Variants in DACH1 observed in about 807,000 individuals in gnomAD.
DACH1 encodes dachshund family transcription factor 1.
In DACH1, 12 loss-of-function variants were observed where a neutral mutation model predicts 54.2. The ratio of observed to expected loss-of-function variants is 0.22; its 90% CI spans 0.14 to 0.36. The LOEUF is 0.36. Ranked by LOEUF, DACH1 falls within the 10% of genes least tolerant of loss-of-function variation. DACH1 has a pLI of 1.00. For synonymous variants in DACH1, 386 were observed against 366.2 expected (o/e 1.05, Z -0.62); for missense variants, 805 against 929.8 (o/e 0.87, Z 1.75).
At chr13:71,694,555 T>C (rs1412433223) in intron 1 of DACH1, among the ~76,000 whole-genome samples, 2 of 152,210 alleles carry the variant, frequency 1.3e-5, no homozygotes, top group Non-Finnish European at 2.9e-5. Context: ...TAAATGACCT[T>C]TTAATACTAA....
At chr13:71,616,814 GAA>G (rs1387166410) in intron 3 of DACH1, among the ~76,000 whole-genome samples, 2 of 151,490 alleles carry the variant, frequency 1.3e-5, no homozygotes, top group Non-Finnish European at 2.9e-5. Context: ...TATATACATA[GAA>G]AGAGAGAGAG....
intron 1 of DACH1, among the ~76,000 whole-genome samples, chr13:71,824,902 A>G (rs1397499322): frequency 1.3e-5 from 2 of 152,094 alleles, no homozygotes; most frequent in Non-Finnish European, 2.9e-5. Flanking sequence ...TAAACATGGG[A>G]ATTTTAATAC....
At chr13:71,582,347 G>A (rs868390597) in intron 3 of DACH1, among the ~76,000 whole-genome samples, 5 of 151,924 alleles carry the variant, frequency 3.3e-5, no homozygotes, top group South Asian at 2.1e-4. Context: ...TAATCAATAC[G>A]AATACATGAA....
At chr13:71,688,520 C>T (rs1411130453) in intron 1 of DACH1, among the ~76,000 whole-genome samples, 5 of 152,170 alleles carry the variant, frequency 3.3e-5, no homozygotes, top group East Asian at 1.9e-4. Flanking sequence ...TTCATTCTCA[C>T]GTTCCACATT....
chr13:71,840,756 C>A (rs1012830486), intron 1 of DACH1, among the ~76,000 whole-genome samples: 2 of 152,118 alleles, frequency 1.3e-5, no homozygotes, highest in Non-Finnish European at 2.9e-5. Context: ...GTAAAAAGAA[C>A]TTCTAATGAC....
chr13:71,577,682 A>T (rs1445193009), intron 3 of DACH1, among the ~76,000 whole-genome samples: 1 of 152,232 alleles, frequency 6.6e-6, no homozygotes, highest in Non-Finnish European at 1.5e-5. Context: ...ATGAATAACA[A>T]ATATGGCTAT....
intron 2 of DACH1, among the ~76,000 whole-genome samples, chr13:71,663,058 A>T (rs1363920626): frequency 6.6e-6 from 1 of 151,872 alleles, no homozygotes; most frequent in East Asian, 1.9e-4. Context: ...TATGATATCT[A>T]ATATTCACTT....
intron 3 of DACH1, among the ~76,000 whole-genome samples, chr13:71,606,172 G>A (rs1874867000): frequency 6.6e-6 from 1 of 151,894 alleles, no homozygotes; most frequent in South Asian, 2.1e-4. Flanking sequence ...ACTATATATT[G>A]AATGTATACA....
intron 1 of DACH1, among the ~76,000 whole-genome samples, chr13:71,751,257 C>T (rs1359953659): frequency 6.6e-6 from 1 of 152,152 alleles, no homozygotes; most frequent in Admixed American, 6.6e-5. Flanking sequence ...TGGCCCTGAT[C>T]AATTCTGCCA....
At chr13:71,554,655 A>G (rs775904246) in intron 6 of DACH1, among the ~76,000 whole-genome samples, 3 of 152,144 alleles carry the variant, frequency 2.0e-5, no homozygotes, top group Non-Finnish European at 2.9e-5. Flanking sequence ...ACTTCCAGTA[A>G]TTCAGCCCAG....
At chr13:71,858,700 C>T (rs1406050360) in intron 1 of DACH1, among the ~76,000 whole-genome samples, 1 of 151,770 alleles carries the variant, frequency 6.6e-6, no homozygotes, top group African/African-American at 2.4e-5. Flanking sequence ...CTACTCTCTG[C>T]ATCTATGAGT....
At chr13:71,759,936 G>A (rs545632764) in intron 1 of DACH1, among the ~76,000 whole-genome samples, 2 of 152,152 alleles carry the variant, frequency 1.3e-5, no homozygotes, top group Non-Finnish European at 2.9e-5. Context: ...CACAATGTAA[G>A]CCTTTTCTTA....
chr13:71,552,545 G>C (rs1042427993), intron 6 of DACH1, among the ~76,000 whole-genome samples: 1 of 151,560 alleles, frequency 6.6e-6, no homozygotes, highest in African/African-American at 2.4e-5. Flanking sequence ...TTATGCATGA[G>C]AGAGCAACAC....
At chr13:71,656,311 T>C (rs1226336572) in intron 2 of DACH1, among the ~76,000 whole-genome samples, 5 of 152,198 alleles carry the variant, frequency 3.3e-5, no homozygotes, top group Non-Finnish European at 7.3e-5. Flanking sequence ...ACTGTCAGTA[T>C]CAGATCAAGT....
intron 1 of DACH1, among the ~76,000 whole-genome samples, chr13:71,823,575 G>C (rs113214293): frequency 0.022 from 3,357 of 152,016 alleles, 52 homozygotes; most frequent in Non-Finnish European, 0.033. Flanking sequence ...ATATGGAACA[G>C]GCGAGAAAGT....
At chr13:71,540,081 T>C (rs1456422696) in intron 6 of DACH1, among the ~76,000 whole-genome samples, 2 of 151,964 alleles carry the variant, frequency 1.3e-5, no homozygotes, top group African/African-American at 4.8e-5. Flanking sequence ...TTGTATATCA[T>C]ATTTATTTAT....
At chr13:71,800,413 C>T (rs1276594811) in intron 1 of DACH1, among the ~76,000 whole-genome samples, 4 of 152,078 alleles carry the variant, frequency 2.6e-5, no homozygotes, top group Admixed American at 6.6e-5. Context: ...TAGATCAGCA[C>T]TCTCTACCGC....
At chr13:71,795,518 T>C (rs1208971205) in intron 1 of DACH1, among the ~76,000 whole-genome samples, 1 of 152,190 alleles carries the variant, frequency 6.6e-6, no homozygotes, top group Non-Finnish European at 1.5e-5. Context: ...ATTCTCATTT[T>C]ACACTGAAAT....
intron 1 of DACH1, among the ~76,000 whole-genome samples, chr13:71,787,990 T>C (rs1886678636): frequency 6.6e-6 from 1 of 152,166 alleles, no homozygotes; most frequent in Admixed American, 6.5e-5. Context: ...AGTGATATAG[T>C]AGTGTATAGA....
Sources: allele counts gnomAD v4.1 joint callset (sites outside exome capture counted in the v4.1 genomes callset), GRCh38; gene constraint gnomAD v4.1.1; transcripts MANE v1.5; gene names NCBI Gene and HGNC (gene_info 2026-07-23, HGNC 2026-07-21).